LRP8: variants seen among roughly 807,000 people sequenced by gnomAD.
LRP8 encodes the protein LDL receptor related protein 8, also known as low-density lipoprotein receptor-related protein 8.
In LRP8, 46 loss-of-function variants were observed where a neutral mutation model predicts 111.6. The ratio of observed to expected loss-of-function variants is 0.41; its 90% confidence interval spans 0.33 to 0.53. LRP8 has a LOEUF of 0.53. Ranked by LOEUF, LRP8 falls within the 20% of genes least tolerant of loss-of-function variation. LRP8 has a pLI of 0.20. For missense variants in LRP8, 959 were observed against 1,297.4 expected (o/e 0.74, Z 4.01); for synonymous variants, 464 against 511.2 (o/e 0.91, Z 1.24).
chr1:53,250,487 A>G lies in LRP8; in HGVS notation c.2676+203T>C, dbSNP rs1557742912. On this transcript the variant is annotated intron_variant, in intron 17 of 18. Coordinates refer to ENST00000306052, the MANE Select transcript of LRP8 (RefSeq NM_004631.5). This position sits in a 1 kb window ranked among gnomAD's most constrained non-coding sequence, Gnocchi z 4.6. ...TGTTTGAGGAAGGAAAGAAGGAGGA[A>G]GGGAAGGAGGGAGGAAAGGAAGGAA... 6.8e-6 allele frequency among the ~76,000 whole-genome samples: 1 copy of G among 147,856 alleles called. No individual in the cohort carries two copies. Among genetic ancestry groups the G allele is most frequent in the African/African-American group, 2.5e-5 (1 of 40,450 alleles).
At position 53,303,999 on chromosome 1, in the gene LRP8, C is replaced by A. The variant is rs1572632706; in HGVS notation, c.245-14310G>T. ...GACTCCCAGGGAAGTGGAAAGGAGCCAAGAGCTGCCATGAAATGACTTTAC... is the reference window on the plus strand; with the variant it reads ...GACTCCCAGGGAAGTGGAAAGGAGCAAAGAGCTGCCATGAAATGACTTTAC... On this transcript the variant is annotated intron_variant, in intron 2 of 18. Transcript: ENST00000306052. This position sits in a 1 kb window ranked among gnomAD's most constrained non-coding sequence, Gnocchi z 4.3. Among the ~76,000 whole-genome samples, 1 of 152,040 alleles carries A rather than the reference C, an allele frequency of 6.6e-6. No individual in the cohort carries two copies. Among genetic ancestry groups the A allele is most frequent in the Non-Finnish European group, 1.5e-5 (1 of 68,010 alleles).
intron 2 of LRP8, chr1:53,304,450 C>G (rs1158526013): frequency 6.6e-6 from 1 of 152,344 alleles, no homozygotes; most frequent in Non-Finnish European, 1.5e-5. Flanking sequence ...CCTCCCCTCA[C>G]CTGGCCCTGT....
At chr1:53,259,445 C>T (rs1417689038) in intron 13 of LRP8, among the ~76,000 whole-genome samples, 3 of 152,038 alleles carry the variant, frequency 2.0e-5, no homozygotes, top group Admixed American at 2.0e-4. Flanking sequence ...TTTCCAGCAC[C>T]ATACCTAGTG....
rs1655196887 is a variant in LRP8, at chr1:53,326,854, T to TC, written c.244+18dup. On this transcript the variant is annotated intron_variant, in intron 2 of 18. Coordinates refer to ENST00000306052, the MANE Select transcript of LRP8 (RefSeq NM_004631.5). ...TCCTTTTCTCTCCCCGGGTCTGAGC[T>TC]CCCTGGCCCGCCACTCACGGCAGTC... The TC allele has an allele frequency of 6.2e-7, 1 of 1,609,510 alleles. No individual in the cohort carries two copies. The highest frequency in any genetic ancestry group is 1.3e-5 in the African/African-American group (1 of 74,686).
In LRP8 at chr1:53,245,845, A is replaced by G. The variant is rs1366454961; in HGVS notation, c.*1173T>C. On this transcript the variant is annotated 3_prime_UTR_variant, in exon 19 of 19. Transcript: ENST00000306052. ...CACCATCTTTATCTTCATCCACAGC[A>G]TGTCCTAGACATTCAGTGCCTGGGC... 6.6e-6 allele frequency: 1 copy of G among 152,660 alleles called. No homozygotes were observed. Among genetic ancestry groups the G allele is most frequent in the African/African-American group, 2.4e-5 (1 of 41,454 alleles). The allele number at this position is 152,660 out of a possible 1,614,324, so 9.5% of individuals were successfully genotyped here.
rs1645722026 is a variant in LRP8 at position 53,246,164 on chromosome 1, G to T, written c.*854C>A. On this transcript the variant is annotated 3_prime_UTR_variant, in exon 19 of 19. Transcript: ENST00000306052. ...ACAGCAGCCATGGGTGAGCTGAAAG[G>T]CTTTTCCTGACTTCCTGGGGTCTCA... 6.6e-6 allele frequency: 1 copy of T among 152,174 alleles called. No homozygotes were observed. The highest frequency in any genetic ancestry group is 6.5e-5 in the Admixed American group (1 of 15,276). 9.4% of individuals were successfully genotyped at this position (152,174 alleles called of 1,614,324 possible).
At chr1:53,269,488 AT>A (rs957869100) in intron 8 of LRP8, among the ~76,000 whole-genome samples, 3 of 150,794 alleles carry the variant, frequency 2.0e-5, no homozygotes, top group Non-Finnish European at 4.4e-5. Flanking sequence ...TAGTTTTTAA[AT>A]TTTTTTTTAG....
chr1:53,327,754 G>A, intron 1 of LRP8, 35 bp downstream of exon 1: 3 of 1,466,552 alleles, frequency 2.0e-6, no homozygotes, highest in Non-Finnish European at 1.8e-6. Flanking sequence ...TGGCTAGGGC[G>A]GAGCAGAGCC....
intron 2 of LRP8, among the ~76,000 whole-genome samples, chr1:53,302,115 T>G (rs1651021441): frequency 6.6e-6 from 1 of 152,042 alleles, no homozygotes; most frequent in Non-Finnish European, 1.5e-5. Flanking sequence ...GAGAGACATT[T>G]TAAGCTGGTC....
chr1:53,250,037 G>A lies in LRP8; in HGVS notation c.2677-481C>T, dbSNP rs1303460911. ...GAGGTAGAGAGGCCCAGAGTACTGTGGGAGAACAAAGCAAGCCAAAGATAG... is the reference window on the plus strand; with the variant it reads ...GAGGTAGAGAGGCCCAGAGTACTGTAGGAGAACAAAGCAAGCCAAAGATAG... On this transcript the variant is annotated intron_variant, in intron 17 of 18. Coordinates refer to ENST00000306052, the MANE Select transcript of LRP8 (RefSeq NM_004631.5). This position sits in a 1 kb window ranked among gnomAD's most constrained non-coding sequence, Gnocchi z 4.6. Among the ~76,000 whole-genome samples, 1 of 152,170 alleles carries A rather than the reference G, an allele frequency of 6.6e-6. No homozygotes were observed. The highest frequency in any genetic ancestry group is 2.4e-5 in the African/African-American group (1 of 41,438).
intron 2 of LRP8, among the ~76,000 whole-genome samples, chr1:53,319,148 T>G (rs1290786917): frequency 6.6e-6 from 1 of 152,174 alleles, no homozygotes. Context: ...AATGAACTCC[T>G]GCACCGCCTG....
intron 2 of LRP8, among the ~76,000 whole-genome samples, chr1:53,325,052 C>A (rs1654968052): frequency 6.6e-6 from 1 of 152,234 alleles, no homozygotes; most frequent in South Asian, 2.1e-4. Context: ...TAAGGCATAA[C>A]CAGCCCAGAC....
intron 6 of LRP8, among the ~76,000 whole-genome samples, chr1:53,272,428 C>T (rs10788952): frequency 0.37 from 56,920 of 152,030 alleles, 11,615 homozygotes; most frequent in East Asian, 0.7. Context: ...CCGCGCCCCT[C>T]TCCCCCTCTG....
Position 53,250,691 on chromosome 1 carries a change from G to A in LRP8, c.2675C>T (p.Ala892Val). The A allele has an allele frequency of 6.2e-7, 1 of 1,613,516 alleles. No individual in the cohort carries two copies. Among genetic ancestry groups the A allele is most frequent in the Non-Finnish European group, 8.5e-7 (1 of 1,179,540 alleles). Residue 892 changes from alanine (A) to valine (V), a missense_variant and splice_region_variant, in exon 17 of 19, where the codon GCA becomes GTA. Around this residue, in one of 3 missense-constraint regions of LRP8, gnomAD observed 819 missense variants for 1,097.6 expected, o/e 0.75. Transcript: ENST00000306052. This position sits in a 1 kb window ranked among gnomAD's most constrained non-coding sequence, Gnocchi z 4.6. ...RTAQIGHVYP[A>V]AISSFDRPLW... ...ATTCTCCCAGTGAGAAATACTTACT[G>A]CAGGATAGACATGGCCAATCTGAGC...
chr1:53,320,818 C>G (rs1413445183), intron 2 of LRP8, among the ~76,000 whole-genome samples: 1 of 152,208 alleles, frequency 6.6e-6, no homozygotes, highest in African/African-American at 2.4e-5. Flanking sequence ...CCCACACCCT[C>G]CAAGCACCAG....
At chr1:53,325,570 T>C (rs1256659200) in intron 2 of LRP8, among the ~76,000 whole-genome samples, 3 of 152,246 alleles carry the variant, frequency 2.0e-5, no homozygotes, top group Admixed American at 2.0e-4. Context: ...GCTAGAGACA[T>C]AGACTCAGTC....
intron 18 of LRP8, among the ~76,000 whole-genome samples, chr1:53,247,467 C>G (rs984158817): frequency 1.3e-5 from 2 of 152,172 alleles, no homozygotes; most frequent in Non-Finnish European, 2.9e-5. Context: ...GGTTACTTGT[C>G]TCTAGCATGC....
rs1260781143 is a variant in LRP8, at chr1:53,262,036, A to C, written c.1914+32T>G. The C allele has an allele frequency of 1.2e-6, 2 of 1,609,126 alleles. No individual in the cohort carries two copies. The highest frequency in any genetic ancestry group is 1.7e-6 in the Non-Finnish European group (2 of 1,177,186). On this transcript the variant is annotated intron_variant, in intron 12 of 18. Transcript: ENST00000306052. This position sits in a 1 kb window ranked among gnomAD's most constrained non-coding sequence, Gnocchi z 4.8. The stretch of plus-strand genomic sequence containing the variant: ...AGCATTTTCTAGGCTTCAGCTTCCT[A>C]GTGGGCCCTTGCCTCTCCTTACAGG...
chr1:53,306,872 C>G (rs1288489), intron 2 of LRP8, among the ~76,000 whole-genome samples: 67,906 of 152,086 alleles, frequency 0.45, 15,795 homozygotes, highest in East Asian at 0.68. Context: ...ACCTCATCTC[C>G]TGGTTTACGA....
Sources: gnomAD v4.1 joint callset for allele counts (sites outside exome capture counted in the v4.1 genomes callset) on GRCh38, gnomAD v4.1.1 for gene constraint, gnomAD v4.1.1 regional missense constraint, Gnocchi (gnomAD v3.1) non-coding constraint, MANE v1.5 for transcripts, NCBI Gene and HGNC (gene_info 2026-07-23, HGNC 2026-07-21) for gene names.